The following GABBR2 variants were observed in gnomAD, a reference collection of about 807,000 sequenced individuals.
GABBR2 encodes G-protein coupled receptor 51.
GABBR2 carries 23 observed loss-of-function variants against 105.6 expected under a neutral mutation model. The observed-to-expected ratio is 0.22, with a 90% CI of 0.16 to 0.31. The LOEUF is 0.31. Among genes scored for constraint, GABBR2 ranks in the 10% least tolerant of loss-of-function variants. The probability of loss-of-function intolerance (pLI) is 1.00; values close to 1 mark genes in which losing one functional copy is unlikely to be tolerated. For missense variants in GABBR2, 734 were observed against 1,245.5 expected, an observed-to-expected ratio of 0.59 and a Z score of 6.18; for synonymous variants, 478 against 499.7, an observed-to-expected ratio of 0.96 and a Z score of 0.58.
intron 1 of GABBR2, chr9:98,607,705 C>T: frequency 1.3e-6 from 1 of 760,536 alleles, no homozygotes; most frequent in Non-Finnish European, 2.4e-6. Context: ...AACACACATG[C>T]AGGACTTGAA....
At chr9:98,634,434 G>T (rs955811936) in intron 1 of GABBR2, among the ~76,000 whole-genome samples, 4 of 152,168 alleles carry the variant, frequency 2.6e-5, no homozygotes, top group African/African-American at 7.2e-5. Flanking sequence ...ATTGAGAACA[G>T]GCCCTAAATC....
intron 1 of GABBR2, among the ~76,000 whole-genome samples, chr9:98,637,456 G>T (rs1017540389): frequency 2.6e-5 from 4 of 152,168 alleles, no homozygotes; most frequent in African/African-American, 4.8e-5. Context: ...CCCAGAACTT[G>T]CATGAGGTTA....
chr9:98,644,302 G>A (rs1830003687), intron 1 of GABBR2, among the ~76,000 whole-genome samples: 1 of 152,182 alleles, frequency 6.6e-6, no homozygotes, highest in Non-Finnish European at 1.5e-5. Flanking sequence ...CACACATTGT[G>A]GGCAGCAAAG....
At chr9:98,475,768 G>C (rs947064987) in intron 5 of GABBR2, among the ~76,000 whole-genome samples, 3 of 152,184 alleles carry the variant, frequency 2.0e-5, no homozygotes, top group African/African-American at 4.8e-5. Flanking sequence ...GAGGAAGTAA[G>C]AATCAGTAGA....
chr9:98,452,519 A>C (rs1010741637), intron 7 of GABBR2, among the ~76,000 whole-genome samples: 4 of 152,248 alleles, frequency 2.6e-5, no homozygotes, highest in Non-Finnish European at 1.5e-5. Context: ...TCATGGGAAT[A>C]ATAAGAGCAC....
chr9:98,365,151 C>A (rs1831653920), intron 12 of GABBR2, among the ~76,000 whole-genome samples: 1 of 152,230 alleles, frequency 6.6e-6, no homozygotes, highest in Admixed American at 6.5e-5. Flanking sequence ...CAATTCTTGT[C>A]AAGCGTGATC....
chr9:98,439,908 G>C (rs184153546), intron 7 of GABBR2, among the ~76,000 whole-genome samples: 1 of 139,502 alleles, frequency 7.2e-6, no homozygotes, highest in Non-Finnish European at 1.6e-5. Context: ...TTTAAGGTAG[G>C]CCCCGTTGTT....
chr9:98,652,714 C>T (rs533466305), intron 1 of GABBR2, among the ~76,000 whole-genome samples: 19 of 152,340 alleles, frequency 1.2e-4, no homozygotes, highest in Admixed American at 5.2e-4. Flanking sequence ...TTTCCAGCTT[C>T]GCATTTGGAG....
At position 98,563,215 on chromosome 9, in the gene GABBR2, T is replaced by C. The variant is rs925293207; in HGVS notation, c.459+14720A>G. On this transcript the variant is annotated intron_variant, in intron 2 of 18. Transcript: ENST00000259455. ...ATGCTACTTACATTAAAGAGAAAGA[T>C]TGAGAGCACCGAAAACCAAAATGGA... Among the ~76,000 whole-genome samples, 4 of 151,792 alleles carry C rather than the reference T, an allele frequency of 2.6e-5. No homozygotes were observed. The East Asian group carries it at 5.8e-4, about 22-fold the overall frequency.
chr9:98,644,659 T>G (rs1830008194), intron 1 of GABBR2, among the ~76,000 whole-genome samples: 1 of 151,990 alleles, frequency 6.6e-6, no homozygotes, highest in Non-Finnish European at 1.5e-5. Context: ...TTGGCCAACA[T>G]AGCGAAACCC....
chr9:98,517,237 TC>T (rs1453960525), intron 3 of GABBR2, among the ~76,000 whole-genome samples: 1 of 152,166 alleles, frequency 6.6e-6, no homozygotes, highest in Non-Finnish European at 1.5e-5. Flanking sequence ...GCTCCATAGC[TC>T]CCCATGGGCA....
chr9:98,349,349 G>GTTTTT (rs1182072320), intron 13 of GABBR2, among the ~76,000 whole-genome samples: 30 of 24,192 alleles, frequency 1.2e-3, no homozygotes, highest in East Asian at 1.8e-3. Flanking sequence ...TTGAAGTTTT[G>GTTTTT]TTTTTTTTTT....
intron 1 of GABBR2, among the ~76,000 whole-genome samples, chr9:98,651,345 T>C (rs573597773): frequency 3.9e-5 from 6 of 152,080 alleles, no homozygotes; most frequent in Admixed American, 6.5e-5. Flanking sequence ...GGTTTCACCA[T>C]GTTGGCCAGG....
intron 7 of GABBR2, among the ~76,000 whole-genome samples, chr9:98,409,208 A>G (rs1399323935): frequency 6.6e-6 from 1 of 152,230 alleles, no homozygotes; most frequent in Non-Finnish European, 1.5e-5. Context: ...TTGCCCCCAG[A>G]GACCATGACA....
chr9:98,353,806 TGG>T (rs35065605), intron 13 of GABBR2, among the ~76,000 whole-genome samples: 99,012 of 151,762 alleles, frequency 0.65, 32,955 homozygotes, highest in Admixed American at 0.74. Context: ...TGGATCATGG[TGG>T]GGGGGGGTGG....
chr9:98,554,470 A>G (rs191726716), intron 2 of GABBR2, among the ~76,000 whole-genome samples: 247 of 152,352 alleles, frequency 1.6e-3, no homozygotes, highest in African/African-American at 5.5e-3. Flanking sequence ...AGATGGTCCA[A>G]TGAAAACATA....
chr9:98,496,716 A>G (rs758456304), intron 3 of GABBR2, among the ~76,000 whole-genome samples: 3 of 152,198 alleles, frequency 2.0e-5, no homozygotes, highest in African/African-American at 4.8e-5. Flanking sequence ...CAACTGACAC[A>G]TGGATACAAG....
At chr9:98,426,101 C>A (rs566895114) in intron 7 of GABBR2, among the ~76,000 whole-genome samples, 36 of 152,276 alleles carry the variant, frequency 2.4e-4, no homozygotes, top group African/African-American at 8.4e-4. Flanking sequence ...GGTGGGGAGG[C>A]AGGTCTTGAA....
chr9:98,505,232 C>T (rs10986469), intron 3 of GABBR2, among the ~76,000 whole-genome samples: 18,315 of 152,256 alleles, frequency 0.12, 1,800 homozygotes, highest in East Asian at 0.51. Flanking sequence ...AGCATTCCTT[C>T]TGAGAAATGG....
Sources: gnomAD v4.1 joint callset for allele counts (sites outside exome capture counted in the v4.1 genomes callset) on GRCh38, gnomAD v4.1.1 for gene constraint, MANE v1.5 for transcripts, NCBI Gene and HGNC (gene_info 2026-07-23, HGNC 2026-07-21) for gene names.